The following DNAH9 variants were observed in gnomAD, a reference collection of about 807,000 sequenced individuals.
DNAH9 encodes DNAH9 variant protein.
DNAH9 carries 345 observed loss-of-function variants against 471.6 expected under a neutral mutation model. That is an observed-to-expected ratio of 0.73 (90% CI 0.67 to 0.80). The LOEUF is 0.80. Among genes scored for constraint, DNAH9 ranks in the 30% least tolerant of loss-of-function variants. The probability of loss-of-function intolerance (pLI) is 0.00; values close to 1 mark genes in which losing one functional copy is unlikely to be tolerated. For synonymous variants in DNAH9, 2,093 were observed against 2,123.6 expected (o/e 0.99, Z 0.40); for missense variants, 5,407 against 5,609.2 (o/e 0.96, Z 1.15).
rs1321916470 is a variant in DNAH9, at chr17:11,598,517, C to G, written c.19C>G (p.Arg7Gly). MRLAEE[R>G]AALAAENADG... The stretch of plus-strand genomic sequence containing the variant: ...GCGCGCGATGCGGCTCGCGGAGGAG[C>G]GGGCCGCGCTCGCGGCGGAGAACGC... Residue 7 changes from arginine to glycine, a missense_variant, in exon 1 of 69, where the codon CGG becomes GGG. Arg to Gly is a moderately radical substitution (Grantham distance 125). This residue lies in a region of DNAH9 where 767 missense variants were observed against 692.5 expected (regional missense o/e 1.11). Coordinates refer to ENST00000262442, the MANE Select transcript of DNAH9 (RefSeq NM_001372.4). The G allele has an allele frequency of 2.2e-6, 3 of 1,386,336 alleles. No individual in the cohort carries two copies. Among genetic ancestry groups the G allele is most frequent in the East Asian group, 3.1e-5 (1 of 32,786 alleles). The allele number at this position is 1,386,336 out of a possible 1,614,324, so 85.9% of individuals were successfully genotyped here.
chr17:11,748,467 C>A (rs989126179), intron 32 of DNAH9, among the ~76,000 whole-genome samples: 1 of 152,092 alleles, frequency 6.6e-6, no homozygotes, highest in South Asian at 2.1e-4. Context: ...ACGGCTCATT[C>A]CCAAAGAAGT....
intron 25 of DNAH9, 105 bp downstream of exon 25, chr17:11,704,547 A>G: frequency 1.8e-6 from 2 of 1,092,206 alleles, no homozygotes; most frequent in Non-Finnish European, 2.6e-6. Context: ...AGCACTGACC[A>G]GACAGCTGGG....
At chr17:11,753,792 C>T (rs945753270) in intron 33 of DNAH9, among the ~76,000 whole-genome samples, 1 of 152,152 alleles carries the variant, frequency 6.6e-6, no homozygotes, top group African/African-American at 2.4e-5. Context: ...GTATGCTCTC[C>T]TGGAGAGAGT....
chr17:11,719,382 T>G lies in DNAH9; in HGVS notation c.5601T>G (p.Ala1867=). The G allele has an allele frequency of 6.2e-7, 1 of 1,613,922 alleles. No homozygotes were observed. Among genetic ancestry groups the G allele is most frequent in the African/African-American group, 1.3e-5 (1 of 74,974 alleles). ...CCCTGCACCTGACCATGAGTGGGGC[T>G]CCCGCAGGACCTGCAGGCACAGGCA... ...TQSLHLTMSG[A]PAGPAGTGKT... Residue 1867 remains alanine, a synonymous_variant, in exon 27 of 69, where the codon GCT becomes GCG. Coordinates refer to ENST00000262442, the MANE Select transcript of DNAH9 (RefSeq NM_001372.4).
chr17:11,954,667 G>T (rs1162261064), intron 67 of DNAH9, among the ~76,000 whole-genome samples: 1 of 150,442 alleles, frequency 6.6e-6, no homozygotes, highest in Non-Finnish European at 1.5e-5. Flanking sequence ...TGTGGGACAA[G>T]AAATGTTAAA....
intron 60 of DNAH9, 51 bp from the exon 61 acceptor site, chr17:11,905,610 T>C: frequency 1.9e-6 from 3 of 1,572,324 alleles, no homozygotes; most frequent in Non-Finnish European, 2.6e-6. Context: ...AATGTTACCA[T>C]TTTGTGGCTG....
At position 11,626,990 on chromosome 17, in the gene DNAH9, G is replaced by A. The variant is rs77861912; in HGVS notation, c.1351-2427G>A. ...TTACAACTTACTGGACAGAAAATAA[G>A]CAAATAGTATAATATAATGCCAAAT... On this transcript the variant is annotated intron_variant, in intron 6 of 68. Coordinates refer to ENST00000262442, the MANE Select transcript of DNAH9 (RefSeq NM_001372.4). The surrounding 1 kb of genome is among the most constrained non-coding windows in gnomAD (Gnocchi z 4.3). Among the ~76,000 whole-genome samples, 5,085 of 152,162 alleles carry A rather than the reference G, an allele frequency of 0.033. 292 individuals are homozygous for A. The highest frequency in any genetic ancestry group is 0.12 in the African/African-American group (4,824 of 41,514).
chr17:11,941,663 A>C (rs796688221), intron 66 of DNAH9, among the ~76,000 whole-genome samples: 5 of 152,212 alleles, frequency 3.3e-5, no homozygotes, highest in African/African-American at 1.2e-4. Context: ...GCAGTGTTGC[A>C]TCATAGAAAC....
In DNAH9 at chr17:11,688,065, C is replaced by T. The variant is rs190066923; in HGVS notation, c.3744-1501C>T. ...AGGGGAATCACTTGAACCCGGGAGGCGGAGATTGCAGTAAGCCAAAAAAAA... is the reference window on the plus strand; with the variant it reads ...AGGGGAATCACTTGAACCCGGGAGGTGGAGATTGCAGTAAGCCAAAAAAAA... On this transcript the variant is annotated intron_variant, in intron 19 of 68. Coordinates refer to ENST00000262442, the MANE Select transcript of DNAH9 (RefSeq NM_001372.4). 6.4e-3 allele frequency among the ~76,000 whole-genome samples: 641 copies of T among 100,298 alleles called. 3 individuals carry two copies. The highest frequency in any genetic ancestry group is 0.022 in the African/African-American group (580 of 25,792). 65.8% of individuals were successfully genotyped at this position (100,298 alleles called of 152,430 possible).
At chr17:11,866,483 G>A (rs1972060015) in intron 50 of DNAH9, among the ~76,000 whole-genome samples, 1 of 152,132 alleles carries the variant, frequency 6.6e-6, no homozygotes, top group East Asian at 1.9e-4. Context: ...GGACCCACTT[G>A]AGGAGGCAGT....
At chr17:11,636,890 C>A in intron 9 of DNAH9, 106 bp downstream of exon 9, 1 of 1,025,916 alleles carries the variant, frequency 9.7e-7, no homozygotes, top group Non-Finnish European at 1.4e-6. Flanking sequence ...CATACATTCT[C>A]AAAAAAGAGC....
At position 11,902,755 on chromosome 17, in the gene DNAH9, C is replaced by A; in HGVS notation, c.11443C>A (p.Arg3815=). The A allele has an allele frequency of 6.2e-7, 1 of 1,613,268 alleles. No individual in the cohort carries two copies. ...SSMEEFSNLD[R]DIEGSAKSWK... ...AATGGAAGAATTCTCTAATCTGGAT[C>A]GGGACATAGAGGGATCTGCTAAGAG... Residue 3815 remains arginine (R), a synonymous_variant, in exon 60 of 69, where the codon CGG becomes AGG. Transcript: ENST00000262442.
At chr17:11,960,435 TAAAA>T (rs3074845) in intron 67 of DNAH9, among the ~76,000 whole-genome samples, 1,627 of 54,016 alleles carry the variant, frequency 0.03, 63 homozygotes, top group African/African-American at 0.12. Flanking sequence ...GACTCTGTCT[TAAAA>T]AAAAAAAAAA....
chr17:11,619,869 C>T (rs1445764954), intron 6 of DNAH9, 88 bp downstream of exon 6: 1 of 749,288 alleles, frequency 1.3e-6, no homozygotes, highest in East Asian at 2.5e-5. Flanking sequence ...AAATGCACAA[C>T]ACAACCTCAT....
intron 39 of DNAH9, 131 bp from the exon 40 acceptor site, chr17:11,783,515 C>T: frequency 1.7e-6 from 1 of 594,800 alleles, no homozygotes; most frequent in South Asian, 2.6e-5. Context: ...TTCTCAATCC[C>T]TGCCGGTGGA....
chr17:11,694,321 A>C lies in DNAH9; in HGVS notation c.4746A>C (p.Arg1582Ser). The change falls in exon 22 of 69, where the codon AGA becomes AGC. Residue 1582 changes from arginine to serine, a missense_variant and splice_region_variant. By Grantham distance (110) the Arg-to-Ser change is moderately radical. Transcript: ENST00000262442. ...GAAATTCTATGTTCTGTGCCCTCAGATTGTGCCTGTGTGAGAAGGCCCTGG... is the reference window on the plus strand; with the variant it reads ...GAAATTCTATGTTCTGTGCCCTCAGCTTGTGCCTGTGTGAGAAGGCCCTGG... ...LYEKLEDIQGRLCLCEKALAE... is the reference protein window; with the variant it reads ...LYEKLEDIQGSLCLCEKALAE... The C allele has an allele frequency of 6.2e-7, 1 of 1,613,846 alleles. No homozygotes were observed. The highest frequency in any genetic ancestry group is 8.5e-7 in the Non-Finnish European group (1 of 1,179,958).
chr17:11,717,705 TTTAGTAAA>T (rs1183948528), intron 26 of DNAH9, among the ~76,000 whole-genome samples: 2 of 152,092 alleles, frequency 1.3e-5, no homozygotes, highest in African/African-American at 4.8e-5. Context: ...CTGGATGATT[TTTAGTAAA>T]TAGACAGAGT....
chr17:11,643,476 T>C (rs1163164712), intron 10 of DNAH9, among the ~76,000 whole-genome samples: 1 of 152,226 alleles, frequency 6.6e-6, no homozygotes, highest in East Asian at 1.9e-4. Flanking sequence ...TATATAGATA[T>C]TTACCTGGCA....
chr17:11,719,500 C>T lies in DNAH9; in HGVS notation c.5709+10C>T, dbSNP rs368144086. ...GCAGATGGATTACAAGGTACAGTTC[C>T]ACCCGGCTTCCTGGGGGTGGGGGTG... On this transcript the variant is annotated intron_variant, in intron 27 of 68. Transcript: ENST00000262442. 24 of 1,605,332 alleles carry T rather than the reference C, an allele frequency of 1.5e-5. No individual in the cohort carries two copies. Among genetic ancestry groups the T allele is most frequent in the African/African-American group, 2.7e-5 (2 of 74,728 alleles).
Sources: allele counts gnomAD v4.1 joint callset (sites outside exome capture counted in the v4.1 genomes callset), GRCh38; gene constraint gnomAD v4.1.1; regional missense constraint gnomAD v4.1.1; non-coding constraint Gnocchi (gnomAD v3.1); transcripts MANE v1.5; gene names NCBI Gene and HGNC (gene_info 2026-07-23, HGNC 2026-07-21).